RAB6A: variants seen among roughly 807,000 people sequenced by gnomAD.
The protein encoded by RAB6A is RAB6A, member RAS oncogene family.
A neutral mutation model predicts 32.3 loss-of-function variants in RAB6A; 8 were observed. That is an observed-to-expected ratio of 0.25 (90% CI 0.15 to 0.45). The LOEUF (loss-of-function observed/expected upper bound fraction) is 0.45. Among genes scored for constraint, RAB6A ranks in the 20% least tolerant of loss-of-function variants. The pLI, the probability that RAB6A is intolerant of heterozygous loss-of-function variation, is 1.00. For missense variants in RAB6A, 104 were observed against 249.4 expected (o/e 0.42, Z 3.93); for synonymous variants, 73 against 82.1 (o/e 0.89, Z 0.60).
At chr11:73,730,646 T>C (rs908379195) in intron 2 of RAB6A, 119 bp downstream of exon 2, 2 of 769,456 alleles carry the variant, frequency 2.6e-6, no homozygotes, top group Non-Finnish European at 4.3e-6. Context: ...TACAGCATTT[T>C]ACAGATTATA....
At chr11:73,693,995 T>C (rs1343437370) in intron 6 of RAB6A, among the ~76,000 whole-genome samples, 5 of 152,206 alleles carry the variant, frequency 3.3e-5, no homozygotes, top group Admixed American at 1.3e-4. Flanking sequence ...GTGTGAAGTC[T>C]TTCCCTCTAG....
chr11:73,726,126 A>T (rs891471308), intron 2 of RAB6A, among the ~76,000 whole-genome samples: 4 of 151,846 alleles, frequency 2.6e-5, no homozygotes, highest in Admixed American at 6.6e-5. Context: ...CTCTAGTAAA[A>T]ATACAAAAAT....
chr11:73,677,705 T>C lies in RAB6A; in HGVS notation c.*193A>G. 4 of 1,390,554 alleles carry C rather than the reference T, an allele frequency of 2.9e-6. No individual in the cohort carries two copies. The South Asian group carries it at 4.8e-5, about 17-fold the overall frequency. The allele number at this position is 1,390,554 out of a possible 1,614,324, so 86.1% of individuals were successfully genotyped here. On this transcript the variant is annotated 3_prime_UTR_variant, in exon 8 of 8. Transcript: ENST00000336083. ...ATTTTGGCTTTTTGTAAAATATAAA[T>C]AATGAAGACACTGACTTTTGTTGTG... is the stretch of plus-strand genomic sequence containing the variant.
intron 1 of RAB6A, among the ~76,000 whole-genome samples, chr11:73,747,701 A>C (rs1946613080): frequency 6.6e-6 from 1 of 152,036 alleles, no homozygotes; most frequent in Non-Finnish European, 1.5e-5. Flanking sequence ...GTCTCCTCTG[A>C]TATGTGAGAT....
chr11:73,741,299 G>A (rs2134994343), intron 1 of RAB6A, among the ~76,000 whole-genome samples: 1 of 152,078 alleles, frequency 6.6e-6, no homozygotes, highest in South Asian at 2.1e-4. Context: ...ACCACGCCTG[G>A]CTAATTTTTT....
chr11:73,719,236 A>AAAAAC (rs1204184577), intron 3 of RAB6A, among the ~76,000 whole-genome samples: 4 of 152,232 alleles, frequency 2.6e-5, no homozygotes, highest in Admixed American at 2.0e-4. Flanking sequence ...AAATAGAGAA[A>AAAAAC]AAAACAAAAC....
chr11:73,710,093 G>C (rs1354466450), intron 5 of RAB6A, among the ~76,000 whole-genome samples: 1 of 148,026 alleles, frequency 6.8e-6, no homozygotes, highest in Non-Finnish European at 1.5e-5. Context: ...GGAGTAGCTG[G>C]GATTACAGGC....
At chr11:73,684,335 A>C (rs1317855369) in intron 6 of RAB6A, among the ~76,000 whole-genome samples, 1 of 151,972 alleles carries the variant, frequency 6.6e-6, no homozygotes, top group African/African-American at 2.4e-5. Context: ...CATCTGGCTA[A>C]ATTTTGTATT....
At chr11:73,704,754 T>C (rs1945806896) in intron 6 of RAB6A, among the ~76,000 whole-genome samples, 1 of 151,390 alleles carries the variant, frequency 6.6e-6, no homozygotes, top group Non-Finnish European at 1.5e-5. Context: ...CCCAGCACTT[T>C]GGGAGGCCGA....
intron 1 of RAB6A, among the ~76,000 whole-genome samples, chr11:73,734,415 C>T (rs189442977): frequency 0.013 from 1,918 of 152,194 alleles, 22 homozygotes; most frequent in Middle Eastern, 0.02. Context: ...CTTCAGCCAC[C>T]GCACCTGGCC....
chr11:73,709,950 C>CACACAT (rs1555058393), intron 5 of RAB6A, among the ~76,000 whole-genome samples: 6 of 57,388 alleles, frequency 1.0e-4, no homozygotes, highest in East Asian at 1.2e-3. Flanking sequence ...CACACACACA[C>CACACAT]ATATATATAT....
chr11:73,704,478 A>G (rs1355645241), intron 6 of RAB6A, among the ~76,000 whole-genome samples: 1 of 151,116 alleles, frequency 6.6e-6, no homozygotes, highest in Non-Finnish European at 1.5e-5. Context: ...AGGTCAGGAG[A>G]TCGAGACCAT....
chr11:73,700,048 C>T (rs1334917654), intron 6 of RAB6A, among the ~76,000 whole-genome samples: 2 of 152,194 alleles, frequency 1.3e-5, no homozygotes, highest in African/African-American at 4.8e-5. Flanking sequence ...CTCTTTCAAA[C>T]AAATCTTCTT....
intron 3 of RAB6A, 195 bp from the exon 4 acceptor site, chr11:73,718,913 T>TAA (rs34792668): frequency 2.0e-3 from 2,356 of 1,149,584 alleles, no homozygotes; most frequent in South Asian, 4.0e-3. Context: ...AAAAAATAAA[T>TAA]AAAAAAAAAA....
intron 1 of RAB6A, among the ~76,000 whole-genome samples, chr11:73,755,655 G>C (rs1282299978): frequency 6.6e-6 from 1 of 152,092 alleles, no homozygotes; most frequent in African/African-American, 2.4e-5. Context: ...TATAGTCCCA[G>C]CTACTAGGGA....
At chr11:73,722,337 A>T (rs2366941) in intron 2 of RAB6A, 425 of 9,888 alleles carry the variant, frequency 0.043, 15 homozygotes, top group African/African-American at 0.12. Flanking sequence ...ATATATATAT[A>T]TATATATTTT....
intron 4 of RAB6A, among the ~76,000 whole-genome samples, chr11:73,717,919 T>A (rs1946074902): frequency 6.6e-6 from 1 of 152,182 alleles, no homozygotes; most frequent in Admixed American, 6.6e-5. Context: ...TTCTTGTCAG[T>A]CACCAATGCT....
At chr11:73,704,253 T>C in intron 6 of RAB6A, 1 of 400,822 alleles carries the variant, frequency 2.5e-6, no homozygotes, top group South Asian at 1.9e-5. Flanking sequence ...CATGGTGGTG[T>C]GTGCCTGTAG....
At chr11:73,734,448 GA>G (rs988448268) in intron 1 of RAB6A, among the ~76,000 whole-genome samples, 2 of 150,786 alleles carry the variant, frequency 1.3e-5, no homozygotes, top group East Asian at 1.9e-4. Flanking sequence ...TTAATAGTGA[GA>G]AAAAAAAATG....
Sources: allele counts gnomAD v4.1 joint callset (sites outside exome capture counted in the v4.1 genomes callset), GRCh38; gene constraint gnomAD v4.1.1; transcripts MANE v1.5; gene names NCBI Gene and HGNC (gene_info 2026-07-23, HGNC 2026-07-21).